Variants in WDR17 observed in about 807,000 individuals in gnomAD.
The protein encoded by WDR17 is WD repeat-containing protein 17.
In WDR17, 143 loss-of-function variants were observed where a neutral mutation model predicts 161.7. That is an observed-to-expected ratio of 0.88 (90% CI 0.77 to 1.02). The LOEUF (loss-of-function observed/expected upper bound fraction) is 1.02. WDR17 is among the 50% of genes least tolerant of loss of function. The pLI is 0.00. For synonymous variants in WDR17, 517 were observed against 515.6 expected, an observed-to-expected ratio of 1.00 and a Z score of -0.04; for missense variants, 1,469 against 1,520.9, an observed-to-expected ratio of 0.97 and a Z score of 0.57.
At chr4:176,159,305 A>C (rs1186255148) in intron 18 of WDR17, among the ~76,000 whole-genome samples, 1 of 144,490 alleles carries the variant, frequency 6.9e-6, no homozygotes, top group Non-Finnish European at 1.5e-5. Context: ...ACATACACAC[A>C]CACAGATGGA....
intron 22 of WDR17, 50 bp from the exon 23 acceptor site, chr4:176,168,622 A>T: frequency 6.2e-7 from 1 of 1,607,302 alleles, no homozygotes; most frequent in South Asian, 1.1e-5. Flanking sequence ...TATGAATGTT[A>T]TTTTTAAATC....
chr4:176,078,727 C>T (rs968175934), intron 1 of WDR17, among the ~76,000 whole-genome samples: 2 of 151,876 alleles, frequency 1.3e-5, no homozygotes, highest in African/African-American at 4.8e-5. Context: ...TTGTCATGGG[C>T]TTTTTGTCAT....
intron 1 of WDR17, among the ~76,000 whole-genome samples, chr4:176,091,043 G>T (rs186680787): frequency 6.6e-6 from 1 of 152,146 alleles, no homozygotes; most frequent in Non-Finnish European, 1.5e-5. Context: ...ACCTCCCAGC[G>T]TGGGCATCAT....
intron 18 of WDR17, among the ~76,000 whole-genome samples, chr4:176,158,528 CT>C (rs1254390921): frequency 6.6e-6 from 1 of 152,140 alleles, no homozygotes; most frequent in Non-Finnish European, 1.5e-5. Flanking sequence ...ATCATTAGTT[CT>C]CTTTGGACAT....
chr4:176,127,481 A>G (rs1210936537), intron 5 of WDR17, among the ~76,000 whole-genome samples: 1 of 152,028 alleles, frequency 6.6e-6, no homozygotes, highest in African/African-American at 2.4e-5. Flanking sequence ...TTTTTAGTAG[A>G]GACGGTGTTT....
chr4:176,089,425 A>G (rs1561081220), intron 1 of WDR17, among the ~76,000 whole-genome samples: 1 of 152,178 alleles, frequency 6.6e-6, no homozygotes, highest in Non-Finnish European at 1.5e-5. Context: ...GTATTATACT[A>G]CAATTTTGAT....
intron 6 of WDR17, among the ~76,000 whole-genome samples, chr4:176,130,084 T>G (rs1743110697): frequency 6.6e-6 from 1 of 152,202 alleles, no homozygotes; most frequent in Admixed American, 6.5e-5. Flanking sequence ...CTTCTTTGAC[T>G]TCTAGGTTTT....
intron 1 of WDR17, among the ~76,000 whole-genome samples, chr4:176,081,203 C>G (rs1734706028): frequency 6.6e-6 from 1 of 152,048 alleles, no homozygotes; most frequent in African/African-American, 2.4e-5. Context: ...AATGGGATTT[C>G]TGTGTGATTT....
intron 1 of WDR17, among the ~76,000 whole-genome samples, chr4:176,078,496 ATTC>A (rs944530329): frequency 6.6e-6 from 1 of 152,070 alleles, no homozygotes; most frequent in African/African-American, 2.4e-5. Context: ...GTTGGAAGAG[ATTC>A]TGTCAGGATC....
rs1486857095 is a variant in WDR17, at chr4:176,146,143, A to G, written c.1678A>G (p.Ser560Gly). Residue 560 changes from serine to glycine, a missense_variant, in exon 12 of 29, where the codon AGT (serine) becomes GGT (glycine). Coordinates refer to ENST00000508596, the MANE Select transcript of WDR17 (RefSeq NM_181265.4). Reference protein sequence around the residue: ...WSPLREGILCSGSDDGTVRIW... With the variant: ...WSPLREGILCGGSDDGTVRIW... ...TCCTCTGAGAGAGGGAATTCTTTGCAGTGGTTCTGATGATGGGTATGTATT... is the reference window on the plus strand; with the variant it reads ...TCCTCTGAGAGAGGGAATTCTTTGCGGTGGTTCTGATGATGGGTATGTATT... The G allele has an allele frequency of 1.9e-6, 3 of 1,613,388 alleles. No homozygotes were observed. Among genetic ancestry groups the G allele is most frequent in the Non-Finnish European group, 2.5e-6 (3 of 1,179,722 alleles).
At chr4:176,120,553 C>T (rs918756912) in intron 4 of WDR17, among the ~76,000 whole-genome samples, 3 of 151,814 alleles carry the variant, frequency 2.0e-5, no homozygotes, top group Admixed American at 6.6e-5. Flanking sequence ...GGCTTTGAAA[C>T]TGGCATAAAA....
rs1452264399 is a variant in WDR17 at position 176,131,681 on chromosome 4, T to C, written c.1041T>C (p.Asp347=). The C allele has an allele frequency of 6.2e-7, 1 of 1,613,558 alleles. No homozygotes were observed. Among genetic ancestry groups the C allele is most frequent in the Non-Finnish European group, 8.5e-7 (1 of 1,179,774 alleles). The change falls in exon 7 of 29, where the codon GAT becomes GAC. Residue 347 remains aspartate, a synonymous_variant. Transcript: ENST00000508596. ...GTCATGCAGTGTGTTGTTTCTTGGA[T>C]GGTGGAGTTGGACTTTATGATATGG... is the stretch of plus-strand genomic sequence containing the variant. ...PPGHAVCCFL[D]GGVGLYDMGA...
intron 1 of WDR17, among the ~76,000 whole-genome samples, chr4:176,083,183 A>G (rs1734978127): frequency 7.1e-6 from 1 of 140,748 alleles, no homozygotes; most frequent in Admixed American, 7.1e-5. Context: ...TGATTTTTTA[A>G]TGTTTAGACT....
intron 1 of WDR17, among the ~76,000 whole-genome samples, chr4:176,098,862 T>C (rs1307601865): frequency 1.3e-5 from 2 of 151,990 alleles, no homozygotes; most frequent in Non-Finnish European, 2.9e-5. Flanking sequence ...ATTATTTTAA[T>C]ATCTGGTTTA....
At position 176,181,460 on chromosome 4, in the gene WDR17, A is replaced by G. The variant is rs538834660; in HGVS notation, c.*1881A>G. ...CCAGCCTGGGCGACAGAGCAAGACC[A>G]CCATCTCCAAAAATTATATATATAA... On this transcript the variant is annotated 3_prime_UTR_variant, in exon 29 of 29. Coordinates refer to ENST00000508596, the MANE Select transcript of WDR17 (RefSeq NM_181265.4). 4.2e-5 allele frequency: 9 copies of G among 216,228 alleles called. No individual in the cohort carries two copies. The South Asian group carries it at 6.6e-4, about 16-fold the overall frequency. 13.4% of individuals were successfully genotyped at this position (216,228 alleles called of 1,614,324 possible). A position where few individuals can be genotyped will look rare whatever the true frequency, so the allele number is the denominator to read the frequency against.
At chr4:176,176,981 C>A in intron 26 of WDR17, 77 bp from the exon 27 acceptor site, 1 of 960,044 alleles carries the variant, frequency 1.0e-6, no homozygotes, top group South Asian at 1.4e-5. Flanking sequence ...AATCTAAAAT[C>A]ACATTTAAAG....
At chr4:176,103,648 A>C (rs1738193113) in intron 1 of WDR17, among the ~76,000 whole-genome samples, 1 of 152,126 alleles carries the variant, frequency 6.6e-6, no homozygotes, top group Non-Finnish European at 1.5e-5. Context: ...GTAAAATAGA[A>C]GAATTCAAAG....
chr4:176,135,396 T>C, intron 8 of WDR17, 120 bp downstream of exon 8: 1 of 1,119,904 alleles, frequency 8.9e-7, no homozygotes, highest in Non-Finnish European at 1.3e-6. Flanking sequence ...TAGAGCAAAT[T>C]AGTGTGAACA....
intron 8 of WDR17, 140 bp from the exon 9 acceptor site, chr4:176,137,380 A>G: frequency 1.7e-6 from 1 of 604,598 alleles, no homozygotes; most frequent in Non-Finnish European, 2.8e-6. Context: ...ATAATTTTAT[A>G]CAGTTAATAA....
Sources: allele counts gnomAD v4.1 joint callset (sites outside exome capture counted in the v4.1 genomes callset), GRCh38; gene constraint gnomAD v4.1.1; transcripts MANE v1.5; gene names NCBI Gene and HGNC (gene_info 2026-07-23, HGNC 2026-07-21).